H2BN1: variants seen among roughly 807,000 people sequenced by gnomAD.
The protein encoded by H2BN1 is histone H2B.N.
At chr17:32,903,055 A>G in the H2BN1 span, among the ~76,000 whole-genome samples, 1 of 152,108 alleles carries the variant, frequency 6.6e-6, no homozygotes, top group Non-Finnish European at 1.5e-5. Context: ...TTAATTTATT[A>G]AAGATTTTAC....
chr17:32,904,563 T>C, the H2BN1 span, among the ~76,000 whole-genome samples: 1 of 152,264 alleles, frequency 6.6e-6, no homozygotes, highest in East Asian at 1.9e-4. Context: ...AAACAGACCT[T>C]TAGACCTAAG....
At chr17:32,899,587 G>A in the H2BN1 span, among the ~76,000 whole-genome samples, 14 of 152,124 alleles carry the variant, frequency 9.2e-5, no homozygotes, top group African/African-American at 3.4e-4. Context: ...TTCTCTAGTC[G>A]TGTCCTGTTA....
At chr17:32,900,890 A>C in the H2BN1 span, among the ~76,000 whole-genome samples, 1 of 151,826 alleles carries the variant, frequency 6.6e-6, no homozygotes, top group African/African-American at 2.4e-5. Context: ...CCTTGTTTTT[A>C]AAAATTTTAT....
the H2BN1 span, among the ~76,000 whole-genome samples, chr17:32,899,209 A>G: frequency 6.6e-6 from 1 of 152,256 alleles, no homozygotes; most frequent in Non-Finnish European, 1.5e-5. Context: ...CATATAGTAT[A>G]GCAAGAAAAA....
chr17:32,904,324 A>G, the H2BN1 span, among the ~76,000 whole-genome samples: 7 of 152,218 alleles, frequency 4.6e-5, no homozygotes, highest in Non-Finnish European at 1.0e-4. Flanking sequence ...AGTAGTAGAC[A>G]AGACCTCTTA....
chr17:32,906,537 T>A, the H2BN1 span: 1 of 152,250 alleles, frequency 6.6e-6, no homozygotes, highest in African/African-American at 2.4e-5. Flanking sequence ...GTTTTTGGCC[T>A]CCAGCTTACT....
chr17:32,904,937 G>A, the H2BN1 span, among the ~76,000 whole-genome samples: 20 of 152,148 alleles, frequency 1.3e-4, no homozygotes, highest in African/African-American at 2.6e-4. Flanking sequence ...AAGAAAGACC[G>A]GAACAAACAA....
the H2BN1 span, among the ~76,000 whole-genome samples, chr17:32,900,634 T>G: frequency 6.6e-6 from 1 of 151,624 alleles, no homozygotes; most frequent in Non-Finnish European, 1.5e-5. Context: ...CAGGATGGAG[T>G]GCAGTGGTGT....
At chr17:32,898,145 T>C in the H2BN1 span, among the ~76,000 whole-genome samples, 1 of 152,242 alleles carries the variant, frequency 6.6e-6, no homozygotes, top group South Asian at 2.1e-4. Flanking sequence ...AGAAAGTTTA[T>C]TTTGTCAAGG....
the H2BN1 span, among the ~76,000 whole-genome samples, chr17:32,900,131 A>G: frequency 6.6e-6 from 1 of 152,262 alleles, no homozygotes; most frequent in African/African-American, 2.4e-5. Context: ...CATAACAATT[A>G]TAATTACTGA....
chr17:32,905,336 C>G, the H2BN1 span, among the ~76,000 whole-genome samples: 1 of 152,174 alleles, frequency 6.6e-6, no homozygotes, highest in African/African-American at 2.4e-5. Context: ...GGGGTGCTTG[C>G]AGACTTCAAT....
At chr17:32,904,376 C>T in the H2BN1 span, among the ~76,000 whole-genome samples, 7 of 152,300 alleles carry the variant, frequency 4.6e-5, no homozygotes, top group East Asian at 1.4e-3. Context: ...TAAACAACAA[C>T]TTCCTAGGAG....
At chr17:32,903,497 A>G in the H2BN1 span, among the ~76,000 whole-genome samples, 4 of 152,342 alleles carry the variant, frequency 2.6e-5, no homozygotes, top group East Asian at 3.9e-4. Context: ...TATAGAAATT[A>G]TAAAGTCCTT....
the H2BN1 span, among the ~76,000 whole-genome samples, chr17:32,898,988 T>C: frequency 1.3e-5 from 2 of 152,230 alleles, no homozygotes; most frequent in African/African-American, 2.4e-5. Flanking sequence ...TTGAAAACAT[T>C]ATTTTGAAGA....
At chr17:32,900,604 C>T in the H2BN1 span, among the ~76,000 whole-genome samples, 3 of 150,070 alleles carry the variant, frequency 2.0e-5, no homozygotes, top group East Asian at 2.0e-4. Flanking sequence ...TTTTTTGAAA[C>T]GGAGTCTTGC....
At chr17:32,896,035 C>A in the H2BN1 span, among the ~76,000 whole-genome samples, 1 of 151,264 alleles carries the variant, frequency 6.6e-6, no homozygotes, top group Non-Finnish European at 1.5e-5. Flanking sequence ...GTAGATGAGA[C>A]TATAAGCCCA....
chr17:32,896,510 A>C, the H2BN1 span, among the ~76,000 whole-genome samples: 1 of 152,208 alleles, frequency 6.6e-6, no homozygotes, highest in Non-Finnish European at 1.5e-5. Flanking sequence ...TTACGCCTTC[A>C]TGACAAGGAA....
chr17:32,896,471 A>G, the H2BN1 span, among the ~76,000 whole-genome samples: 1 of 152,212 alleles, frequency 6.6e-6, no homozygotes, highest in Non-Finnish European at 1.5e-5. Flanking sequence ...AAAAGATGTA[A>G]GGAGATTTTC....
chr17:32,905,682 C>G, the H2BN1 span: 6 of 152,150 alleles, frequency 3.9e-5, no homozygotes, highest in Non-Finnish European at 7.3e-5. Flanking sequence ...AGACAGCAAT[C>G]AGTATGTATA....
Sources: allele counts gnomAD v4.1 joint callset (sites outside exome capture counted in the v4.1 genomes callset), GRCh38; gene constraint gnomAD v4.1.1; transcripts MANE v1.5; gene names NCBI Gene and HGNC (gene_info 2026-07-23, HGNC 2026-07-21).